The following CNTNAP4 variants were observed in gnomAD, a reference collection of about 807,000 sequenced individuals.
CNTNAP4 encodes the protein contactin-associated protein-like 4.
CNTNAP4 carries 98 observed loss-of-function variants against 148.4 expected under a neutral mutation model. The ratio of observed to expected loss-of-function variants is 0.66; its 90% confidence interval spans 0.56 to 0.78. The LOEUF is 0.78. Ranked by LOEUF, CNTNAP4 falls within the 30% of genes least tolerant of loss-of-function variation. The pLI is 0.00. For missense variants in CNTNAP4, 1,935 were observed against 1,565.6 expected (o/e 1.24, Z -3.98); for synonymous variants, 730 against 565.1 (o/e 1.29, Z -4.14).
rs74552021 is a variant in CNTNAP4, at chr16:76,461,734, C to T, written c.1334-222C>T. Among the ~76,000 whole-genome samples, 155 of 152,216 alleles carry T rather than the reference C, an allele frequency of 1.0e-3. 3 individuals are homozygous for T. In the East Asian group the frequency reaches 0.024, roughly 24 times the overall value. ...TGACAAATTATTGAAATATTGTAAC[C>T]ATCCAGGATTGTCCAGGGTTGGGAA... On this transcript the variant is annotated intron_variant, in intron 8 of 23. Transcript: ENST00000611870.
rs560633296 is a variant in CNTNAP4 at position 76,316,546 on chromosome 16, A to T, written c.196+23A>T. 6.2e-6 allele frequency: 9 copies of T among 1,447,202 alleles called. No homozygotes were observed. The African/African-American group carries it at 1.1e-4, about 18-fold the overall frequency. The allele number at this position is 1,447,202 out of a possible 1,614,324, so 89.6% of individuals were successfully genotyped here. A position where few individuals can be genotyped will look rare whatever the true frequency, so the allele number is the denominator to read the frequency against. On this transcript the variant is annotated intron_variant, in intron 2 of 23. Coordinates refer to ENST00000611870, the MANE Select transcript of CNTNAP4 (RefSeq NM_033401.5). ...ATGGTAAGTCTGCTTTTCTCCTCTGACTGGCCCATAGAAAATCTCACTAGT... is the reference window on the plus strand; with the variant it reads ...ATGGTAAGTCTGCTTTTCTCCTCTGTCTGGCCCATAGAAAATCTCACTAGT...
Position 76,448,114 on chromosome 16 carries a change from C to G in CNTNAP4, c.641C>G (p.Thr214Ser), listed in dbSNP as rs35641501. The G allele has an allele frequency of 7.8e-4, 1,258 of 1,613,130 alleles. 10 individuals are homozygous for G. The African/African-American group carries it at 0.014, about 18-fold the overall frequency. ...GACATTATTTCTTTGAAATTCAAAA[C>G]CATGCAGAGTGATGGGATTCTACTC... ...IKDIISLKFK[T>S]MQSDGILLHR... Residue 214 changes from threonine to serine, a missense_variant, in exon 5 of 24, where the codon ACC becomes AGC. Physicochemically the swap from Thr to Ser is moderately conservative, Grantham distance 58 (BLOSUM62 1). Transcript: ENST00000611870.
intron 2 of CNTNAP4, among the ~76,000 whole-genome samples, chr16:76,352,721 A>G (rs1219626848): frequency 6.6e-6 from 1 of 152,222 alleles, no homozygotes; most frequent in Non-Finnish European, 1.5e-5. Flanking sequence ...ATGGTGTTTC[A>G]TCACATCCTG....
chr16:76,362,847 G>A (rs532743725), intron 3 of CNTNAP4, among the ~76,000 whole-genome samples: 3 of 152,124 alleles, frequency 2.0e-5, no homozygotes, highest in Non-Finnish European at 4.4e-5. Flanking sequence ...TAAAACCACT[G>A]TGACATACAA....
At chr16:76,279,291 A>T (rs1896570219) in intron 1 of CNTNAP4, among the ~76,000 whole-genome samples, 1 of 152,228 alleles carries the variant, frequency 6.6e-6, no homozygotes, top group African/African-American at 2.4e-5. Context: ...CCTGTACTCC[A>T]TTCAGTCTTT....
At chr16:76,317,252 C>CAA (rs11149891) in intron 2 of CNTNAP4, among the ~76,000 whole-genome samples, 14 of 86,174 alleles carry the variant, frequency 1.6e-4, no homozygotes, top group Middle Eastern at 6.5e-3. Flanking sequence ...GACCCTGTCT[C>CAA]AAAAAAAAAA....
chr16:76,467,450 C>A lies in CNTNAP4; in HGVS notation c.1582C>A (p.Leu528Met), dbSNP rs147777855. ...TTCTATCAGCGGCAAAGTGGTAGAT[C>A]TGATTTCAGTTCAGCAGGGGTCCCT... The part of the protein sequence containing the change: ...LISISGKVVD[L>M]ISVQQGSLGN... Residue 528 changes from leucine to methionine, a missense_variant, in exon 10 of 24, where the codon CTG (leucine) becomes ATG (methionine). Leu to Met is a conservative substitution (Grantham distance 15, BLOSUM62 2). Coordinates refer to ENST00000611870, the MANE Select transcript of CNTNAP4 (RefSeq NM_033401.5). The A allele has an allele frequency of 3.2e-5, 51 of 1,613,812 alleles. No homozygotes were observed. In the East Asian group the frequency reaches 7.1e-4, roughly 23 times the overall value.
At chr16:76,378,122 A>G (rs1256314700) in intron 3 of CNTNAP4, among the ~76,000 whole-genome samples, 1 of 152,090 alleles carries the variant, frequency 6.6e-6, no homozygotes, top group Non-Finnish European at 1.5e-5. Flanking sequence ...TTTATTGGAG[A>G]TTCTAAAAAG....
At position 76,340,986 on chromosome 16, in the gene CNTNAP4, T is replaced by C. The variant is rs547626733; in HGVS notation, c.197-14332T>C. ...TTCAGTCCCATCTTTCAACAGTCAG[T>C]CCAATTTCTGACACTTTATATTTTT... On this transcript the variant is annotated intron_variant, in intron 2 of 23. Transcript: ENST00000611870. Among the ~76,000 whole-genome samples the C allele has an allele frequency of 1.1e-4, 17 of 152,312 alleles. No individual in the cohort carries two copies. The South Asian group carries it at 3.5e-3, about 32-fold the overall frequency.
At chr16:76,291,562 T>C (rs1243904932) in intron 1 of CNTNAP4, among the ~76,000 whole-genome samples, 1 of 152,188 alleles carries the variant, frequency 6.6e-6, no homozygotes, top group African/African-American at 2.4e-5. Flanking sequence ...TGCTGTGATT[T>C]GCTCTGTGTG....
intron 12 of CNTNAP4, among the ~76,000 whole-genome samples, chr16:76,489,206 A>G (rs146841446): frequency 0.015 from 2,348 of 152,256 alleles, 48 homozygotes; most frequent in African/African-American, 0.052. Context: ...AATATAAATT[A>G]TTTCTTGAAT....
Position 76,522,250 on chromosome 16 carries a change from C to A in CNTNAP4, c.2748C>A (p.Leu916=). ...TCCTGTTACAGCTCAACAGTCAGCT[C>A]TTCGTGGGTAAGTTCTCTTTTTAAG... ...GHVLLQLNSQ[L]FVGGTATRQR... is the part of the protein sequence containing the mutation. Residue 916 remains leucine, a synonymous_variant, in exon 17 of 24, where the codon CTC becomes CTA. Coordinates refer to ENST00000611870, the MANE Select transcript of CNTNAP4 (RefSeq NM_033401.5). 6.2e-7 allele frequency: 1 copy of A among 1,613,610 alleles called. No individual in the cohort carries two copies. Among genetic ancestry groups the A allele is most frequent in the Non-Finnish European group, 8.5e-7 (1 of 1,179,738 alleles).
At chr16:76,478,805 T>G (rs2081692563) in intron 11 of CNTNAP4, among the ~76,000 whole-genome samples, 1 of 152,170 alleles carries the variant, frequency 6.6e-6, no homozygotes, top group Non-Finnish European at 1.5e-5. Context: ...TTTAATTATC[T>G]TGAGTTCTCA....
rs2080557994 is a variant in CNTNAP4 at position 76,452,740 on chromosome 16, C to A, written c.1304C>A (p.Pro435Gln). 6.2e-7 allele frequency: 1 copy of A among 1,600,252 alleles called. No homozygotes were observed. The highest frequency in any genetic ancestry group is 1.3e-5 in the African/African-American group (1 of 74,454). ...DGKLKSNLYQ[P>Q]GKLPSDITAG... Reference sequence around the variant, plus strand: ...AAACTTAAGTCGAATCTCTACCAGCCAGGAAAATTACCCAGTGACATCACA... The same window carrying A: ...AAACTTAAGTCGAATCTCTACCAGCAAGGAAAATTACCCAGTGACATCACA... The change falls in exon 8 of 24, where the codon CCA (proline) becomes CAA (glutamine). Residue 435 changes from proline (P) to glutamine (Q), a missense_variant. By Grantham distance (76) the Pro-to-Gln change is moderately conservative (BLOSUM62 -1). Transcript: ENST00000611870.
intron 4 of CNTNAP4, among the ~76,000 whole-genome samples, chr16:76,435,107 T>C (rs576648127): frequency 6.6e-6 from 1 of 152,018 alleles, no homozygotes; most frequent in African/African-American, 2.4e-5. Context: ...GTCAGTAGGG[T>C]AGTAGGGTCC....
intron 2 of CNTNAP4, among the ~76,000 whole-genome samples, chr16:76,346,791 T>G (rs1964938310): frequency 6.6e-6 from 1 of 152,188 alleles, no homozygotes; most frequent in Admixed American, 6.5e-5. Context: ...TCATAAAATT[T>G]GCAAATCAAA....
chr16:76,352,987 C>G lies in CNTNAP4; in HGVS notation c.197-2331C>G, dbSNP rs573520838. Among the ~76,000 whole-genome samples the G allele has an allele frequency of 2.6e-5, 4 of 152,238 alleles. No individual in the cohort carries two copies. In the South Asian group the frequency reaches 8.3e-4, roughly 32 times the overall value. On this transcript the variant is annotated intron_variant, in intron 2 of 23. Transcript: ENST00000611870. ...CATGTCTATGCAACAAGCCCTCTTG[C>G]TTAAAAGATGAGAATATTCTGCTTT... is the stretch of plus-strand genomic sequence containing the variant.
chr16:76,277,690 A>G lies in CNTNAP4; in HGVS notation c.28A>G (p.Lys10Glu). ...GGGATCTGTCACGGGAGCTGTCCTC[A>G]AGACGCTACTTCTGTTATCTACTCA... MGSVTGAVLKTLLLLSTQNW... is the reference protein window; with the variant it reads MGSVTGAVLETLLLLSTQNW... The change falls in exon 1 of 24, where the codon AAG becomes GAG. Residue 10 changes from lysine (K) to glutamate (E), a missense_variant. Coordinates refer to ENST00000611870, the MANE Select transcript of CNTNAP4 (RefSeq NM_033401.5). 1 of 1,606,238 alleles carries G rather than the reference A, an allele frequency of 6.2e-7. No individual in the cohort carries two copies. Among genetic ancestry groups the G allele is most frequent in the Non-Finnish European group, 8.5e-7 (1 of 1,176,064 alleles).
intron 23 of CNTNAP4, among the ~76,000 whole-genome samples, chr16:76,555,613 C>T (rs1019232507): frequency 6.6e-6 from 1 of 152,126 alleles, no homozygotes; most frequent in African/African-American, 2.4e-5. Context: ...AGTCATCAAG[C>T]CAATGCTAGA....
Sources: gnomAD v4.1 joint callset for allele counts (sites outside exome capture counted in the v4.1 genomes callset) on GRCh38, gnomAD v4.1.1 for gene constraint, MANE v1.5 for transcripts, NCBI Gene and HGNC (gene_info 2026-07-23, HGNC 2026-07-21) for gene names.